The following HPSE2 variants were observed in gnomAD, a reference collection of about 807,000 sequenced individuals.
HPSE2 encodes heparanase 2 (inactive), also known as inactive heparanase-2.
In HPSE2, 38 loss-of-function variants were observed where a neutral mutation model predicts 60.5. The observed-to-expected ratio is 0.63, with a 90% CI of 0.48 to 0.82. The LOEUF (loss-of-function observed/expected upper bound fraction) is 0.82, where lower values mean the gene tolerates loss of function less well. HPSE2 is among the 40% of genes least tolerant of loss of function. The probability of loss-of-function intolerance (pLI) is 0.00; values close to 1 mark genes in which losing one functional copy is unlikely to be tolerated. For missense variants in HPSE2, 713 were observed against 740.4 expected (o/e 0.96, Z 0.43); for synonymous variants, 295 against 293.2 (o/e 1.01, Z -0.06).
the HPSE2 span, among the ~76,000 whole-genome samples, chr10:99,311,507 G>C: frequency 6.6e-6 from 1 of 152,126 alleles, no homozygotes; most frequent in Non-Finnish European, 1.5e-5. Context: ...TATCACTATT[G>C]TAGTTGTTTA....
chr10:99,274,023 A>G, the HPSE2 span, among the ~76,000 whole-genome samples: 2 of 152,226 alleles, frequency 1.3e-5, no homozygotes, highest in African/African-American at 4.8e-5. Context: ...TAACATTTGT[A>G]TAAGTAAAGA....
chr10:98,750,663 G>C (rs1949738339), intron 3 of HPSE2, among the ~76,000 whole-genome samples: 1 of 152,126 alleles, frequency 6.6e-6, no homozygotes, highest in African/African-American at 2.4e-5. Context: ...GAGAAAAAAA[G>C]AGTCAAGAAA....
At chr10:99,279,531 A>T in the HPSE2 span, among the ~76,000 whole-genome samples, 1 of 152,230 alleles carries the variant, frequency 6.6e-6, no homozygotes, top group Non-Finnish European at 1.5e-5. Flanking sequence ...TTCCTTTGTC[A>T]AATACTGTGG....
intron 9 of HPSE2, among the ~76,000 whole-genome samples, chr10:98,562,208 T>C (rs471563): frequency 0.86 from 130,899 of 152,192 alleles, 57,265 homozygotes; most frequent in East Asian, 1. Flanking sequence ...GAGCAATAGG[T>C]TATATTACAT....
chr10:98,617,775 T>G (rs982529722), intron 8 of HPSE2, among the ~76,000 whole-genome samples: 2 of 152,186 alleles, frequency 1.3e-5, no homozygotes, highest in African/African-American at 4.8e-5. Context: ...ATATCTACTA[T>G]GTACCAGACA....
chr10:98,775,787 T>C (rs1407693915), intron 3 of HPSE2, among the ~76,000 whole-genome samples: 1 of 152,174 alleles, frequency 6.6e-6, no homozygotes, highest in Non-Finnish European at 1.5e-5. Flanking sequence ...TATCAATCAT[T>C]TCTATCTGAA....
chr10:98,649,200 A>C (rs769286420), intron 6 of HPSE2, among the ~76,000 whole-genome samples: 1 of 152,194 alleles, frequency 6.6e-6, no homozygotes, highest in Non-Finnish European at 1.5e-5. Flanking sequence ...TGTAATTGTC[A>C]TTGTTCGTGG....
intron 2 of HPSE2, among the ~76,000 whole-genome samples, chr10:99,209,137 T>C (rs938855139): frequency 4.6e-5 from 7 of 152,274 alleles, no homozygotes; most frequent in South Asian, 2.1e-4. Flanking sequence ...TACAAACCAA[T>C]TGGACATAAC....
At chr10:99,249,001 A>G in the HPSE2 span, among the ~76,000 whole-genome samples, 3 of 152,234 alleles carry the variant, frequency 2.0e-5, no homozygotes, top group Non-Finnish European at 4.4e-5. Flanking sequence ...GATGTATGGA[A>G]ATGCCTGGAT....
At chr10:98,996,312 T>A (rs913967942) in intron 3 of HPSE2, among the ~76,000 whole-genome samples, 8 of 152,158 alleles carry the variant, frequency 5.3e-5, no homozygotes, top group Non-Finnish European at 1.2e-4. Context: ...AAGATAACAC[T>A]AAGCGCCCAT....
At chr10:98,683,249 G>A (rs889636465) in intron 6 of HPSE2, among the ~76,000 whole-genome samples, 1 of 151,892 alleles carries the variant, frequency 6.6e-6, no homozygotes, top group African/African-American at 2.4e-5. Flanking sequence ...AGAGATTCAG[G>A]GACCATCAGA....
chr10:98,547,779 C>T (rs1487753044), intron 9 of HPSE2, among the ~76,000 whole-genome samples: 2 of 151,624 alleles, frequency 1.3e-5, no homozygotes, highest in East Asian at 1.9e-4. Flanking sequence ...ACATTGTGCA[C>T]ATGTACCCTA....
chr10:98,804,024 A>G (rs1198031503), intron 3 of HPSE2, among the ~76,000 whole-genome samples: 2 of 151,780 alleles, frequency 1.3e-5, no homozygotes, highest in Non-Finnish European at 2.9e-5. Context: ...GTTCTCCTTG[A>G]AGAGGTCCTT....
At chr10:98,684,312 A>C (rs1947857144) in intron 6 of HPSE2, among the ~76,000 whole-genome samples, 1 of 152,174 alleles carries the variant, frequency 6.6e-6, no homozygotes, top group East Asian at 1.9e-4. Flanking sequence ...GAGAAGATGA[A>C]ACTGATGGTT....
At chr10:98,476,493 A>C (rs1456812283) in intron 11 of HPSE2, among the ~76,000 whole-genome samples, 1 of 151,938 alleles carries the variant, frequency 6.6e-6, no homozygotes, top group African/African-American at 2.4e-5. Flanking sequence ...AGAAAAAGAA[A>C]AAAAAAAGGG....
intron 3 of HPSE2, among the ~76,000 whole-genome samples, chr10:98,805,745 G>A (rs866551357): frequency 2.0e-5 from 3 of 151,992 alleles, no homozygotes; most frequent in Non-Finnish European, 4.4e-5. Flanking sequence ...TAGACAATGC[G>A]GAAAGAAATT....
At chr10:98,749,014 G>A (rs1430837950) in intron 3 of HPSE2, among the ~76,000 whole-genome samples, 3 of 152,010 alleles carry the variant, frequency 2.0e-5, no homozygotes, top group Non-Finnish European at 4.4e-5. Flanking sequence ...AAGTTCTGTG[G>A]CAATAAAAAG....
At chr10:99,039,512 AAT>A (rs1299224117) in intron 3 of HPSE2, among the ~76,000 whole-genome samples, 1 of 150,270 alleles carries the variant, frequency 6.7e-6, no homozygotes, top group African/African-American at 2.4e-5. Flanking sequence ...TAAATATATA[AAT>A]ATATGTGTGT....
intron 3 of HPSE2, among the ~76,000 whole-genome samples, chr10:98,879,244 A>G (rs1328619520): frequency 1.3e-5 from 2 of 152,004 alleles, no homozygotes; most frequent in Non-Finnish European, 2.9e-5. Flanking sequence ...CTGTCACACC[A>G]TGGTACATGT....
Sources: allele counts gnomAD v4.1 joint callset (sites outside exome capture counted in the v4.1 genomes callset), GRCh38; gene constraint gnomAD v4.1.1; transcripts MANE v1.5; gene names NCBI Gene and HGNC (gene_info 2026-07-23, HGNC 2026-07-21).